The following HDHD5 variants were observed in gnomAD, a reference collection of about 807,000 sequenced individuals.
The protein encoded by HDHD5 is haloacid dehalogenase-like hydrolase domain-containing 5.
HDHD5 carries 34 observed loss-of-function variants against 35.5 expected under a neutral mutation model. The observed-to-expected ratio is 0.96, with a 90% CI of 0.73 to 1.28. The LOEUF (loss-of-function observed/expected upper bound fraction) is 1.28. Among genes scored for constraint, HDHD5 ranks in the 50% most tolerant of loss-of-function variants. The pLI is 0.00. For synonymous variants in HDHD5, 248 were observed against 240.6 expected, an observed-to-expected ratio of 1.03 and a Z score of -0.29; for missense variants, 589 against 560.2, an observed-to-expected ratio of 1.05 and a Z score of -0.52.
intron 1 of HDHD5, among the ~76,000 whole-genome samples, chr22:17,153,227 C>A (rs529006838): frequency 6.6e-6 from 1 of 152,302 alleles, no homozygotes; most frequent in South Asian, 2.1e-4. Context: ...ATGGCCTTGC[C>A]TGGCAAAATG....
intron 1 of HDHD5, among the ~76,000 whole-genome samples, chr22:17,155,791 AGTCAATGACACAC>A (rs1176194274): frequency 3.9e-5 from 6 of 152,212 alleles, no homozygotes; most frequent in Non-Finnish European, 8.8e-5. Flanking sequence ...ACGATGTTTC[AGTCAATGACACAC>A]TGCATATACA....
chr22:17,154,170 T>C (rs1338687062), intron 1 of HDHD5, among the ~76,000 whole-genome samples: 1 of 150,894 alleles, frequency 6.6e-6, no homozygotes, highest in Non-Finnish European at 1.5e-5. Context: ...CCAACAATTT[T>C]TTTAAGAAAC....
intron 1 of HDHD5, among the ~76,000 whole-genome samples, chr22:17,153,614 T>A (rs1353059473): frequency 1.3e-5 from 2 of 152,148 alleles, no homozygotes; most frequent in Non-Finnish European, 2.9e-5. Context: ...CTACAAGCAT[T>A]TTTCCTGGGA....
chr22:17,138,576 G>T lies in HDHD5; in HGVS notation c.909C>A (p.Ala303=), dbSNP rs1298737648. The T allele has an allele frequency of 1.2e-6, 2 of 1,614,012 alleles. No individual in the cohort carries two copies. The highest frequency in any genetic ancestry group is 2.7e-5 in the African/African-American group (2 of 74,932). ...CCACAGCATAGAGCTTCCGGATGGG[G>T]GCGGCCCAGCCCCGCCTCTCCGCCT... ...RRQAERRGWA[A]PIRKLYAVGD... is the part of the protein sequence containing the mutation. Residue 303 remains alanine, a synonymous_variant, in exon 7 of 8, where the codon GCC becomes GCA. Transcript: ENST00000336737.
intron 5 of HDHD5, chr22:17,141,551 C>T (rs1219300128): frequency 1.7e-6 from 2 of 1,165,092 alleles, no homozygotes; most frequent in Non-Finnish European, 2.1e-6. Flanking sequence ...TCTGCCACCA[C>T]ATTCTCCCTC....
chr22:17,143,782 C>A (rs893006521), intron 4 of HDHD5: 3 of 152,308 alleles, frequency 2.0e-5, no homozygotes, highest in Non-Finnish European at 4.4e-5. Flanking sequence ...TAAGCTATAT[C>A]AGCAAATAAA....
rs757292200 is a variant in HDHD5, at chr22:17,144,981, G to A, written c.537+43C>T. On this transcript the variant is annotated intron_variant, in intron 4 of 7. Transcript: ENST00000336737. ...ACACAGCCAATGCAGGGCACTGGAG[G>A]AGTGAAGGATGAAGACACAGCCCAA... is the stretch of plus-strand genomic sequence containing the variant. 9.3e-6 allele frequency: 15 copies of A among 1,610,208 alleles called. No homozygotes were observed. In the South Asian group the frequency reaches 1.7e-4, roughly 18 times the overall value.
chr22:17,150,520 G>GTTTT (rs2061714300), intron 1 of HDHD5, among the ~76,000 whole-genome samples: 1 of 121,816 alleles, frequency 8.2e-6, no homozygotes, highest in African/African-American at 2.9e-5. Flanking sequence ...TCTCTTGGCT[G>GTTTT]TCTTTTTTTT....
chr22:17,159,386 G>A (rs769760253), upstream of HDHD5: 255 of 1,050,360 alleles, frequency 2.4e-4, no homozygotes, highest in Non-Finnish European at 2.9e-4. Flanking sequence ...GAGCCCGTCG[G>A]GCGCCTATGG....
At chr22:17,146,133 T>C (rs1425008561) in intron 3 of HDHD5, among the ~76,000 whole-genome samples, 1 of 152,064 alleles carries the variant, frequency 6.6e-6, no homozygotes, top group Non-Finnish European at 1.5e-5. Flanking sequence ...CCCGACAACC[T>C]GGCACCACCC....
intron 1 of HDHD5, among the ~76,000 whole-genome samples, chr22:17,154,652 C>A (rs1318439294): frequency 6.9e-6 from 1 of 145,738 alleles, no homozygotes; most frequent in East Asian, 2.0e-4. Context: ...AAGACAGGGT[C>A]GCACTCTGTC....
At chr22:17,143,011 C>A in intron 5 of HDHD5, 87 bp downstream of exon 5, 3 of 1,471,954 alleles carry the variant, frequency 2.0e-6, no homozygotes, top group Non-Finnish European at 2.8e-6. Context: ...CTGAACCAGG[C>A]TGCAGGCAGT....
rs760827847 is a variant in HDHD5 at position 17,159,177 on chromosome 22, C to A, written c.75G>T (p.Ala25=). ...TGCGGGCGGGGCGGCCCTGGAGCCC[C>A]GCAGCCGCGCGCGCCGCCCGCCAGC... ...GLCWRAARAA[A]GLQGRPARRC... is the part of the protein sequence containing the mutation. Residue 25 remains alanine, a synonymous_variant, in exon 1 of 8, where the codon GCG becomes GCT. Transcript: ENST00000336737. 1.8e-5 allele frequency: 22 copies of A among 1,214,816 alleles called. 1 individual carries two copies. The East Asian group carries it at 7.3e-4, about 40-fold the overall frequency. The allele number at this position is 1,214,816 out of a possible 1,614,324, so 75.3% of individuals were successfully genotyped here.
At chr22:17,143,162 A>T (rs780507876) in intron 4 of HDHD5, 31 bp from the exon 5 acceptor site, 4 of 1,601,582 alleles carry the variant, frequency 2.5e-6, no homozygotes, top group South Asian at 1.1e-5. Context: ...GGCTATCAAC[A>T]CAAGTCGCCT....
At chr22:17,148,348 C>A in intron 3 of HDHD5, 100 bp downstream of exon 3, 2 of 949,752 alleles carry the variant, frequency 2.1e-6, no homozygotes, top group Non-Finnish European at 3.4e-6. Context: ...CTGTGTACCC[C>A]AGCACCCAGC....
chr22:17,157,115 A>ACACACAC (rs1244963563), intron 1 of HDHD5, among the ~76,000 whole-genome samples: 41 of 81,010 alleles, frequency 5.1e-4, no homozygotes, highest in Non-Finnish European at 8.0e-4. Flanking sequence ...CACACACACA[A>ACACACAC]AAGAAAAAAG....
At chr22:17,139,398 C>G (rs984080314) in intron 6 of HDHD5, among the ~76,000 whole-genome samples, 1 of 151,994 alleles carries the variant, frequency 6.6e-6, no homozygotes, top group African/African-American at 2.4e-5. Context: ...TGTGGTGGCA[C>G]ATGCCTGTAG....
chr22:17,145,280 G>C (rs2061648911), intron 3 of HDHD5, 163 bp from the exon 4 acceptor site: 2 of 778,268 alleles, frequency 2.6e-6, no homozygotes, highest in South Asian at 5.8e-5. Flanking sequence ...GCAGGTGCTG[G>C]CAGGCAGGCT....
chr22:17,148,361 T>C, intron 3 of HDHD5, 87 bp downstream of exon 3: 1 of 1,078,224 alleles, frequency 9.3e-7, no homozygotes, highest in Non-Finnish European at 1.4e-6. Context: ...CACCCAGCAC[T>C]CCTCACTACA....
Sources: gnomAD v4.1 joint callset for allele counts (sites outside exome capture counted in the v4.1 genomes callset) on GRCh38, gnomAD v4.1.1 for gene constraint, MANE v1.5 for transcripts, NCBI Gene and HGNC (gene_info 2026-07-23, HGNC 2026-07-21) for gene names.